The following MCTP1 variants were observed in gnomAD, a reference collection of about 807,000 sequenced individuals.
MCTP1 encodes the protein multiple C2 and transmembrane domain containing 1, also known as multiple C2 and transmembrane domain-containing protein 1.
In MCTP1, 69 loss-of-function variants were observed where a neutral mutation model predicts 120.6. The observed-to-expected ratio is 0.57, with a 90% CI of 0.47 to 0.70. MCTP1 has a LOEUF of 0.70. MCTP1 is among the 30% of genes least tolerant of loss of function. The pLI, the probability that MCTP1 is intolerant of heterozygous loss-of-function variation, is 0.00. For synonymous variants in MCTP1, 529 were observed against 493.1 expected, an observed-to-expected ratio of 1.07 and a Z score of -0.96; for missense variants, 1,203 against 1,248.8, an observed-to-expected ratio of 0.96 and a Z score of 0.55.
chr5:94,894,806 C>G lies in MCTP1; in HGVS notation c.1682G>C (p.Arg561Thr), dbSNP rs1456265124. ...CAACTCCAGCTTGTGCGTCTGTTCCCTACTGAGGGCTGACAGGTCGACCTG... is the reference window on the plus strand; with the variant it reads ...CAACTCCAGCTTGTGCGTCTGTTCCGTACTGAGGGCTGACAGGTCGACCTG... ...RCQVDLSALS[R>T]EQTHKLELQL... Residue 561 changes from arginine to threonine, a missense_variant, in exon 11 of 23, where the codon AGG (arginine) becomes ACG (threonine). By Grantham distance (71) the Arg-to-Thr change is moderately conservative. Around this residue, in one of 2 missense-constraint regions of MCTP1, gnomAD observed 740 missense variants for 871.1 expected, o/e 0.85. Transcript: ENST00000515393. 1 of 1,603,060 alleles carries G rather than the reference C, an allele frequency of 6.2e-7. No individual in the cohort carries two copies. Among genetic ancestry groups the G allele is most frequent in the Admixed American group, 1.7e-5 (1 of 59,824 alleles).
intron 1 of MCTP1, among the ~76,000 whole-genome samples, chr5:95,141,013 C>T (rs952655182): frequency 4.6e-5 from 7 of 151,100 alleles, no homozygotes; most frequent in Admixed American, 2.6e-4. Flanking sequence ...GTCCAAGAAA[C>T]TTGGTGTATC....
intron 17 of MCTP1, among the ~76,000 whole-genome samples, chr5:94,839,868 G>A (rs1181632602): frequency 6.6e-6 from 1 of 152,128 alleles, no homozygotes; most frequent in Non-Finnish European, 1.5e-5. Context: ...GATGACATTT[G>A]CACACTGCCT....
At chr5:94,910,616 G>GAAAGAGC (rs1399292445) in intron 9 of MCTP1, among the ~76,000 whole-genome samples, 3 of 152,108 alleles carry the variant, frequency 2.0e-5, no homozygotes, top group African/African-American at 7.2e-5. Flanking sequence ...ATCAAGGAAA[G>GAAAGAGC]AAAGAGCAAA....
At chr5:95,265,385 T>G (rs899932281) in intron 1 of MCTP1, among the ~76,000 whole-genome samples, 2 of 152,240 alleles carry the variant, frequency 1.3e-5, no homozygotes, top group Non-Finnish European at 1.5e-5. Flanking sequence ...GAAGCAATCG[T>G]TTGTGCTTCC....
At chr5:95,029,976 C>T (rs1839982813) in intron 1 of MCTP1, among the ~76,000 whole-genome samples, 1 of 152,206 alleles carries the variant, frequency 6.6e-6, no homozygotes, top group African/African-American at 2.4e-5. Context: ...CCACTCCCTA[C>T]ACAGAACGGC....
intron 1 of MCTP1, among the ~76,000 whole-genome samples, chr5:95,248,099 T>A (rs1757004174): frequency 6.6e-6 from 1 of 152,192 alleles, no homozygotes; most frequent in Non-Finnish European, 1.5e-5. Context: ...AGCATTCCCT[T>A]TGAAAACTGG....
At chr5:95,085,634 T>C (rs1381907149) in intron 1 of MCTP1, among the ~76,000 whole-genome samples, 1 of 151,934 alleles carries the variant, frequency 6.6e-6, no homozygotes, top group Admixed American at 6.6e-5. Context: ...GGTCATACGA[T>C]ATGCACACCT....
In MCTP1 at chr5:94,713,027, CA is replaced by C. The variant is rs563402414; in HGVS notation, c.2720+1749del. 1.9e-3 allele frequency among the ~76,000 whole-genome samples: 294 copies of C among 152,146 alleles called. 3 individuals are homozygous for C. The highest frequency in any genetic ancestry group is 6.7e-3 in the African/African-American group (278 of 41,516). On this transcript the variant is annotated intron_variant, in intron 20 of 22. Transcript: ENST00000515393. ...TGCCCTTTTCTATTTCTACACTCTGCATTATGGAATCTAAATCTAGAATATG... is the reference window on the plus strand; with the variant it reads ...TGCCCTTTTCTATTTCTACACTCTGCTTATGGAATCTAAATCTAGAATATG...
At chr5:94,873,749 G>T (rs1202844077) in intron 12 of MCTP1, among the ~76,000 whole-genome samples, 1 of 151,824 alleles carries the variant, frequency 6.6e-6, no homozygotes, top group Non-Finnish European at 1.5e-5. Flanking sequence ...ATTGGACTAA[G>T]ATTGAGTTAC....
chr5:95,015,618 C>T (rs542278884), intron 2 of MCTP1, among the ~76,000 whole-genome samples: 2 of 152,204 alleles, frequency 1.3e-5, no homozygotes, highest in South Asian at 2.1e-4. Context: ...TTACATAGAA[C>T]GTTGCATATT....
chr5:94,766,832 GC>G (rs1772867215), intron 19 of MCTP1, among the ~76,000 whole-genome samples: 1 of 152,152 alleles, frequency 6.6e-6, no homozygotes, highest in South Asian at 2.1e-4. Flanking sequence ...AAACTGGATA[GC>G]TTTACTGATT....
chr5:95,243,306 G>A (rs1479230672), intron 1 of MCTP1, among the ~76,000 whole-genome samples: 1 of 152,194 alleles, frequency 6.6e-6, no homozygotes, highest in Non-Finnish European at 1.5e-5. Flanking sequence ...GTTTTAGAAA[G>A]AAGGAGAACA....
At chr5:95,174,930 T>A (rs1237151140) in intron 1 of MCTP1, among the ~76,000 whole-genome samples, 1 of 152,220 alleles carries the variant, frequency 6.6e-6, no homozygotes, top group Non-Finnish European at 1.5e-5. Context: ...TTTTGTATTC[T>A]CTTTTTTTTC....
chr5:95,144,734 C>T (rs1233598279), intron 1 of MCTP1, among the ~76,000 whole-genome samples: 1 of 152,126 alleles, frequency 6.6e-6, no homozygotes, highest in African/African-American at 2.4e-5. Context: ...GACTTTATTT[C>T]TGAGTTCTCT....
At chr5:94,822,977 C>A (rs1329864972) in intron 17 of MCTP1, among the ~76,000 whole-genome samples, 1 of 152,032 alleles carries the variant, frequency 6.6e-6, no homozygotes, top group Non-Finnish European at 1.5e-5. Context: ...AGATTGCAAA[C>A]TTTTCTCCCA....
At chr5:94,959,201 C>T (rs568229179) in intron 2 of MCTP1, among the ~76,000 whole-genome samples, 1 of 152,200 alleles carries the variant, frequency 6.6e-6, no homozygotes, top group Non-Finnish European at 1.5e-5. Flanking sequence ...GCAGAAAAGG[C>T]CTTCAATAAA....
In MCTP1 at chr5:95,003,832, G is replaced by C. The variant is rs181920494; in HGVS notation, c.838+13535C>G. Among the ~76,000 whole-genome samples the C allele has an allele frequency of 3.2e-4, 48 of 152,266 alleles. 1 individual carries two copies. The East Asian group carries it at 8.7e-3, about 28-fold the overall frequency. ...AGCAGTGTGACAGTGGACTAATCCA[G>C]AAAATTGGTACCAGAGAAGTGGGGC... is the stretch of plus-strand genomic sequence containing the variant. On this transcript the variant is annotated intron_variant, in intron 2 of 22. Coordinates refer to ENST00000515393, the MANE Select transcript of MCTP1 (RefSeq NM_024717.7).
intron 1 of MCTP1, among the ~76,000 whole-genome samples, chr5:95,273,304 G>A (rs536258388): frequency 2.3e-4 from 35 of 152,292 alleles, no homozygotes; most frequent in Admixed American, 1.9e-3. Context: ...TATTTTGAGA[G>A]AATATCTATT....
At chr5:95,215,609 T>C (rs1244761712) in intron 1 of MCTP1, among the ~76,000 whole-genome samples, 1 of 152,162 alleles carries the variant, frequency 6.6e-6, no homozygotes, top group Non-Finnish European at 1.5e-5. Context: ...TTTTTGCTTT[T>C]TTAGCCTTGT....
Sources: allele counts gnomAD v4.1 joint callset (sites outside exome capture counted in the v4.1 genomes callset), GRCh38; gene constraint gnomAD v4.1.1; regional missense constraint gnomAD v4.1.1; transcripts MANE v1.5; gene names NCBI Gene and HGNC (gene_info 2026-07-23, HGNC 2026-07-21).